Variants in RPL35 observed in about 807,000 individuals in gnomAD.
RPL35 encodes the protein ribosomal protein L35.
RPL35 carries 2 observed loss-of-function variants against 15.6 expected under a neutral mutation model. The observed-to-expected ratio is 0.13, with a 90% confidence interval of 0.05 to 0.40. The LOEUF is 0.40. Among genes scored for constraint, RPL35 ranks in the 10% least tolerant of loss-of-function variants. The pLI, the probability that RPL35 is intolerant of heterozygous loss-of-function variation, is 0.99. For missense variants in RPL35, 111 were observed against 164.7 expected, an observed-to-expected ratio of 0.67 and a Z score of 1.79; for synonymous variants, 93 against 67.9, an observed-to-expected ratio of 1.37 and a Z score of -1.82.
At chr9:124,858,970 A>G (rs1829154725) in intron 3 of RPL35, among the ~76,000 whole-genome samples, 1 of 152,204 alleles carries the variant, frequency 6.6e-6, no homozygotes, top group Admixed American at 6.5e-5. Context: ...GGGTACTTGG[A>G]AGCAGGAAAG....
rs1022660024 is a variant in RPL35, at chr9:124,861,383, C to T, written c.140+36G>A. The T allele has an allele frequency of 3.1e-6, 5 of 1,591,106 alleles. No homozygotes were observed. In the African/African-American group the frequency reaches 6.7e-5, roughly 21 times the overall value. ...ACGATCCCGATGCACACGTGCTCCC[C>T]ACCCACGAGGGCTGTGATCCGGCCG... On this transcript the variant is annotated intron_variant, in intron 2 of 3. Transcript: ENST00000348462.
chr9:124,861,760 G>A (rs1829201712), intron 1 of RPL35, 150 bp downstream of exon 1: 3 of 1,333,400 alleles, frequency 2.2e-6, no homozygotes, highest in Admixed American at 2.7e-5. Flanking sequence ...GGCGCCAAGC[G>A]AAGAGGCGGG....
chr9:124,861,324 GGCCAGCTCCTTAA>G, intron 2 of RPL35, 82 bp downstream of exon 2: 1 of 1,478,468 alleles, frequency 6.8e-7, no homozygotes, highest in Non-Finnish European at 9.2e-7. Flanking sequence ...GCATCTAAGC[GGCCAGCTCCTTAA>G]GCCAACTTTG....
At position 124,861,930 on chromosome 9, in the gene RPL35, A is replaced by C. The variant is rs1157221157; in HGVS notation, c.-18T>G. ...CTCACCATTGCTGCACAAGCCGCCA[A>C]CGCCGCCGCCCGCTCCGAGGGAAAG... On this transcript the variant is annotated 5_prime_UTR_variant, in exon 1 of 4. Coordinates refer to ENST00000348462, the MANE Select transcript of RPL35 (RefSeq NM_007209.4). 1 of 1,599,704 alleles carries C rather than the reference A, an allele frequency of 6.3e-7. No homozygotes were observed. Among genetic ancestry groups the C allele is most frequent in the Non-Finnish European group, 8.5e-7 (1 of 1,174,122 alleles).
intron 3 of RPL35, among the ~76,000 whole-genome samples, chr9:124,859,425 C>T (rs890691891): frequency 8.5e-5 from 13 of 152,142 alleles, no homozygotes; most frequent in Admixed American, 4.6e-4. Flanking sequence ...GGGAGATTAT[C>T]CTGGGTAATC....
chr9:124,858,374 G>C (rs914706980), intron 3 of RPL35: 22 of 648,446 alleles, frequency 3.4e-5, no homozygotes, highest in Non-Finnish European at 1.4e-5. Flanking sequence ...TCCACTGCCC[G>C]ATTCCCAGTC....
chr9:124,858,171 C>A, intron 3 of RPL35, 104 bp from the exon 4 acceptor site: 1 of 1,198,572 alleles, frequency 8.3e-7, no homozygotes. Context: ...CAGGAGGAGG[C>A]TGCCACCATG....
intron 2 of RPL35, 74 bp from the exon 3 acceptor site, chr9:124,860,338 G>T: frequency 1.7e-6 from 2 of 1,205,496 alleles, no homozygotes; most frequent in Non-Finnish European, 2.5e-6. Context: ...CACACATAGG[G>T]CAGCAATAGC....
At chr9:124,858,594 C>T (rs1337011441) in intron 3 of RPL35, 5 of 692,360 alleles carry the variant, frequency 7.2e-6, no homozygotes, top group Non-Finnish European at 1.3e-5. Flanking sequence ...GCCCCACCTG[C>T]TTCCGGCTTT....
chr9:124,861,568 G>C lies in RPL35; in HGVS notation c.4-13C>G. On this transcript the variant is annotated splice_polypyrimidine_tract_variant and intron_variant, in intron 1 of 3. Coordinates refer to ENST00000348462, the MANE Select transcript of RPL35 (RefSeq NM_007209.4). The stretch of plus-strand genomic sequence containing the variant: ...CCTTGATCTTGGCCTGCGCGCAAGA[G>C]AGAGTGTGCCTCAGCCAGGCCGCGG... The C allele has an allele frequency of 3.1e-6, 5 of 1,613,280 alleles. No individual in the cohort carries two copies. Among genetic ancestry groups the C allele is most frequent in the Non-Finnish European group, 4.2e-6 (5 of 1,179,748 alleles).
Position 124,861,942 on chromosome 9 carries a change from G to C in RPL35, c.-30C>G, listed in dbSNP as rs543976879. On this transcript the variant is annotated 5_prime_UTR_variant, in exon 1 of 4. Transcript: ENST00000348462. ...GCACAAGCCGCCAACGCCGCCGCCC[G>C]CTCCGAGGGAAAGAGGAAGTAGGCG... The C allele has an allele frequency of 1.3e-5, 21 of 1,597,100 alleles. No individual in the cohort carries two copies. In the East Asian group the frequency reaches 1.4e-4, roughly 10 times the overall value.
At chr9:124,861,862 C>T in intron 1 of RPL35, 48 bp downstream of exon 1, 2 of 1,599,702 alleles carry the variant, frequency 1.3e-6, no homozygotes, top group Non-Finnish European at 1.7e-6. Context: ...CTTCCCCAAC[C>T]CCCGCGCCTC....
At chr9:124,859,068 T>C (rs1829156252) in intron 3 of RPL35, among the ~76,000 whole-genome samples, 1 of 152,198 alleles carries the variant, frequency 6.6e-6, no homozygotes, top group Non-Finnish European at 1.5e-5. Context: ...AGTTCTGCTG[T>C]CCAACAGAGC....
chr9:124,861,675 C>T (rs1242326952), intron 1 of RPL35, 120 bp from the exon 2 acceptor site: 1 of 1,451,448 alleles, frequency 6.9e-7, no homozygotes, highest in Non-Finnish European at 9.4e-7. Flanking sequence ...GAGCCCCAAC[C>T]AGGGCTCAGG....
intron 2 of RPL35, 153 bp downstream of exon 2, chr9:124,861,266 G>T: frequency 1.1e-6 from 1 of 946,192 alleles, no homozygotes; most frequent in Non-Finnish European, 1.6e-6. Context: ...CAGGTAAGAG[G>T]CTAAGCACAC....
Position 124,861,258 on chromosome 9 carries a change from G to A in RPL35, c.140+161C>T. The stretch of plus-strand genomic sequence containing the variant: ...GCACAAGGACCGCAAGGTCAAGGCA[G>A]GTAAGAGGCTAAGCACACAACGGGT... On this transcript the variant is annotated intron_variant, in intron 2 of 3. Coordinates refer to ENST00000348462, the MANE Select transcript of RPL35 (RefSeq NM_007209.4). 5 of 874,332 alleles carry A rather than the reference G, an allele frequency of 5.7e-6. No individual in the cohort carries two copies. The South Asian group carries it at 8.2e-5, about 14-fold the overall frequency. The allele number at this position is 874,332 out of a possible 1,614,324, so 54.2% of individuals were successfully genotyped here.
In RPL35 at chr9:124,857,947, G is replaced by A; in HGVS notation, c.343C>T (p.Pro115Ser). The change falls in exon 4 of 4, where the codon CCG becomes TCG. Residue 115 changes from proline to serine, a missense_variant. Transcript: ENST00000348462. ...KKQQRKERLY[P>S]LRKYAVKA ...GCCTTGACCGCGTACTTCCGCAGCG[G>A]GTACAGCCGCTCCTTCCGCTGCTGC... The A allele has an allele frequency of 6.2e-7, 1 of 1,612,242 alleles. No homozygotes were observed. Among genetic ancestry groups the A allele is most frequent in the Non-Finnish European group, 8.5e-7 (1 of 1,180,038 alleles).
chr9:124,861,890 C>A lies in RPL35; in HGVS notation c.3+20G>T, dbSNP rs746436573. 6.2e-6 allele frequency: 10 copies of A among 1,603,158 alleles called. No homozygotes were observed. The Admixed American group carries it at 1.4e-4, about 22-fold the overall frequency. ...CGCGCCTCACAGCGCTCGGATGGCGCCCGATTCCGCAGCTCTCACCATTGC... is the reference window on the plus strand; with the variant it reads ...CGCGCCTCACAGCGCTCGGATGGCGACCGATTCCGCAGCTCTCACCATTGC... On this transcript the variant is annotated intron_variant, in intron 1 of 3. Coordinates refer to ENST00000348462, the MANE Select transcript of RPL35 (RefSeq NM_007209.4).
chr9:124,861,407 C>A lies in RPL35; in HGVS notation c.140+12G>T. 1.2e-6 allele frequency: 2 copies of A among 1,607,418 alleles called. No homozygotes were observed. Among genetic ancestry groups the A allele is most frequent in the Non-Finnish European group, 8.5e-7 (1 of 1,176,882 alleles). ...CCACCCACGAGGGCTGTGATCCGGC[C>A]GCCTCACTTACATCTTAGAGAGCTT... On this transcript the variant is annotated intron_variant, in intron 2 of 3. Coordinates refer to ENST00000348462, the MANE Select transcript of RPL35 (RefSeq NM_007209.4).
Sources: gnomAD v4.1 joint callset for allele counts (sites outside exome capture counted in the v4.1 genomes callset) on GRCh38, gnomAD v4.1.1 for gene constraint, MANE v1.5 for transcripts, NCBI Gene and HGNC (gene_info 2026-07-23, HGNC 2026-07-21) for gene names.